Variants in SLC30A8 observed in about 807,000 individuals in gnomAD.
SLC30A8 encodes proton-coupled zinc antiporter SLC30A8.
Under a neutral mutation model 36.9 loss-of-function variants are expected in SLC30A8, and 27 were observed. The ratio of observed to expected loss-of-function variants is 0.73; its 90% CI spans 0.54 to 1.01. The LOEUF is 1.01. SLC30A8 is among the 50% of genes least tolerant of loss of function. The probability of loss-of-function intolerance (pLI) is 0.00; values close to 1 mark genes in which losing one functional copy is unlikely to be tolerated. For synonymous variants in SLC30A8, 164 were observed against 172.4 expected (o/e 0.95, Z 0.38); for missense variants, 439 against 452.0 (o/e 0.97, Z 0.26).
At chr8:117,129,741 G>A (rs1821054482) in intron 2 of SLC30A8, among the ~76,000 whole-genome samples, 1 of 151,938 alleles carries the variant, frequency 6.6e-6, no homozygotes, top group African/African-American at 2.4e-5. Flanking sequence ...TTATATTTCT[G>A]GTGGAGACTC....
At chr8:117,153,206 G>A in intron 3 of SLC30A8, 116 bp downstream of exon 3, 1 of 1,023,794 alleles carries the variant, frequency 9.8e-7, no homozygotes, top group Non-Finnish European at 1.4e-6. Context: ...ACACATTTCT[G>A]ATGCACAGGA....
chr8:117,021,678 G>A (rs1816699426), intron 1 of SLC30A8, among the ~76,000 whole-genome samples: 1 of 152,160 alleles, frequency 6.6e-6, no homozygotes, highest in East Asian at 1.9e-4. Flanking sequence ...GCATGGATTT[G>A]CAAAAGGTCA....
intron 1 of SLC30A8, among the ~76,000 whole-genome samples, chr8:116,994,949 G>GT (rs1815766309): frequency 6.6e-6 from 1 of 151,952 alleles, no homozygotes. Flanking sequence ...GGATAATAAT[G>GT]TTAAGCACAT....
chr8:117,121,159 A>G (rs1820679213), intron 2 of SLC30A8, among the ~76,000 whole-genome samples: 2 of 152,100 alleles, frequency 1.3e-5, no homozygotes, highest in South Asian at 4.1e-4. Flanking sequence ...CCTAAATAAT[A>G]TAAATCAGTA....
chr8:117,111,495 G>T (rs1296446655), intron 2 of SLC30A8, among the ~76,000 whole-genome samples: 5 of 152,082 alleles, frequency 3.3e-5, no homozygotes, highest in Non-Finnish European at 7.4e-5. Flanking sequence ...CTTCAGTGGG[G>T]CTCCATTTTC....
intron 1 of SLC30A8, among the ~76,000 whole-genome samples, chr8:116,970,446 A>G (rs1161980048): frequency 1.3e-5 from 2 of 152,250 alleles, no homozygotes; most frequent in Non-Finnish European, 2.9e-5. Flanking sequence ...AACCAATAAC[A>G]TAGTCCTTTA....
upstream of SLC30A8, among the ~76,000 whole-genome samples, chr8:116,950,723 T>C (rs79826473): frequency 0.016 from 2,395 of 152,304 alleles, 69 homozygotes; most frequent in African/African-American, 0.054. Flanking sequence ...CTGGGACTTT[T>C]CATGCTAAGA....
chr8:117,062,794 C>T (rs1278051387), intron 2 of SLC30A8, among the ~76,000 whole-genome samples: 1 of 152,194 alleles, frequency 6.6e-6, no homozygotes, highest in East Asian at 1.9e-4. Context: ...GTCTTCCTCT[C>T]TCTTACTGCA....
Position 117,173,808 on chromosome 8 carries a change from G to A in SLC30A8, c.*1127G>A, listed in dbSNP as rs1823522173. On this transcript the variant is annotated 3_prime_UTR_variant, in exon 8 of 8. Transcript: ENST00000456015. ...TGTCAACCACAGGAGTTCATTGAGT[G>A]GGACAGCTAGACACATACATTGGCA... is the stretch of plus-strand genomic sequence containing the variant. The A allele has an allele frequency of 6.6e-6, 1 of 152,134 alleles. No homozygotes were observed. The highest frequency in any genetic ancestry group is 1.5e-5 in the Non-Finnish European group (1 of 68,016). The allele number at this position is 152,134 out of a possible 1,614,324, so 9.4% of individuals were successfully genotyped here.
chr8:116,964,394 A>T (rs147301760), intron 1 of SLC30A8, among the ~76,000 whole-genome samples: 2,125 of 152,370 alleles, frequency 0.014, 21 homozygotes, highest in Middle Eastern at 0.024. Flanking sequence ...ACAGACTTCC[A>T]CAATGGTTCC....
intron 2 of SLC30A8, among the ~76,000 whole-genome samples, chr8:117,106,155 G>T (rs1586526463): frequency 6.6e-6 from 1 of 152,108 alleles, no homozygotes; most frequent in Non-Finnish European, 1.5e-5. Flanking sequence ...AGTGCTTTCT[G>T]GGATAAAGGA....
intron 1 of SLC30A8, among the ~76,000 whole-genome samples, chr8:117,000,634 GA>G (rs1053777641): frequency 2.0e-5 from 3 of 151,562 alleles, no homozygotes; most frequent in Non-Finnish European, 2.9e-5. Context: ...TGTTAAGACA[GA>G]AAAAAAAGAA....
chr8:117,136,090 A>T lies in SLC30A8; in HGVS notation c.71+692A>T, dbSNP rs114655333. Among the ~76,000 whole-genome samples, 714 of 152,124 alleles carry T rather than the reference A, an allele frequency of 4.7e-3. 7 individuals carry two copies. Among genetic ancestry groups the T allele is most frequent in the African/African-American group, 0.016 (678 of 41,560 alleles). Reference sequence around the variant, plus strand: ...CATATTAGAACTAGGCAATTACAAAACAGTGTATTTGTGTCATATTGAGGG... The same window carrying T: ...CATATTAGAACTAGGCAATTACAAATCAGTGTATTTGTGTCATATTGAGGG... On this transcript the variant is annotated intron_variant, in intron 1 of 7. Coordinates refer to ENST00000456015, the MANE Select transcript of SLC30A8 (RefSeq NM_173851.3).
chr8:117,130,937 T>C (rs975009280), upstream of SLC30A8, among the ~76,000 whole-genome samples: 3 of 151,926 alleles, frequency 2.0e-5, no homozygotes, highest in African/African-American at 7.3e-5. Context: ...AGTTCATTTT[T>C]CTGTCATTTA....
intron 1 of SLC30A8, among the ~76,000 whole-genome samples, chr8:116,953,330 G>GCTTTCTCTTCCTAATCCCTTTATT (rs1191662060): frequency 4.6e-5 from 7 of 151,970 alleles, no homozygotes; most frequent in African/African-American, 1.7e-4. Context: ...TATCTCTTAT[G>GCTTTCTCTTCCTAATCCCTTTATT]CTTTCTCTTC....
chr8:117,153,378 C>A (rs1328703792), intron 3 of SLC30A8, among the ~76,000 whole-genome samples: 2 of 152,086 alleles, frequency 1.3e-5, no homozygotes, highest in African/African-American at 4.8e-5. Flanking sequence ...AGACATAACG[C>A]AATTCATTAA....
intron 2 of SLC30A8, among the ~76,000 whole-genome samples, chr8:117,098,482 C>A (rs963787531): frequency 6.6e-6 from 1 of 152,128 alleles, no homozygotes; most frequent in African/African-American, 2.4e-5. Context: ...GTGTAGCTCC[C>A]TCCTATCCAC....
chr8:117,067,830 G>A (rs1818215283), intron 2 of SLC30A8, among the ~76,000 whole-genome samples: 1 of 152,098 alleles, frequency 6.6e-6, no homozygotes, highest in African/African-American at 2.4e-5. Flanking sequence ...CATACTAAAT[G>A]TCCTTTTCAA....
chr8:117,095,469 A>G (rs900799709), intron 2 of SLC30A8, among the ~76,000 whole-genome samples: 16 of 152,172 alleles, frequency 1.1e-4, no homozygotes, highest in African/African-American at 3.6e-4. Context: ...TTTTGCATAA[A>G]AATATATTTA....
Sources: gnomAD v4.1 joint callset for allele counts (sites outside exome capture counted in the v4.1 genomes callset) on GRCh38, gnomAD v4.1.1 for gene constraint, MANE v1.5 for transcripts, NCBI Gene and HGNC (gene_info 2026-07-23, HGNC 2026-07-21) for gene names.